The following CFAP91 variants were observed in gnomAD, a reference collection of about 807,000 sequenced individuals.
The protein encoded by CFAP91 is cilia- and flagella-associated protein 91.
CFAP91 carries 85 observed loss-of-function variants against 95.9 expected under a neutral mutation model. The ratio of observed to expected loss-of-function variants is 0.89; its 90% CI spans 0.74 to 1.06. The LOEUF (loss-of-function observed/expected upper bound fraction) is 1.06. Among genes scored for constraint, CFAP91 ranks in the 50% least tolerant of loss-of-function variants. The probability of loss-of-function intolerance (pLI) is 0.00; values close to 1 mark genes in which losing one functional copy is unlikely to be tolerated. For missense variants in CFAP91, 962 were observed against 943.4 expected (o/e 1.02, Z -0.26); for synonymous variants, 335 against 327.5 (o/e 1.02, Z -0.25).
chr3:119,751,735 C>A (rs2107914194), intron 17 of CFAP91, among the ~76,000 whole-genome samples: 1 of 152,280 alleles, frequency 6.6e-6, no homozygotes, highest in Admixed American at 6.5e-5. Flanking sequence ...TTACGGAGTG[C>A]AGATACAATA....
chr3:119,739,934 G>A (rs980227571), intron 12 of CFAP91, among the ~76,000 whole-genome samples: 1 of 152,088 alleles, frequency 6.6e-6, no homozygotes, highest in Non-Finnish European at 1.5e-5. Flanking sequence ...CGAGTGTAAA[G>A]CCTTAGCCAG....
intron 11 of CFAP91, among the ~76,000 whole-genome samples, chr3:119,738,525 T>A (rs144190113): frequency 6.6e-6 from 1 of 151,306 alleles, no homozygotes; most frequent in East Asian, 1.9e-4. Context: ...ATTTTTATAG[T>A]TTTAGTAGAG....
intron 12 of CFAP91, among the ~76,000 whole-genome samples, chr3:119,740,292 A>G (rs1447294160): frequency 1.3e-5 from 2 of 152,266 alleles, no homozygotes; most frequent in South Asian, 2.1e-4. Context: ...TGGAGTTGTC[A>G]TCTTGTCCTT....
At chr3:119,746,629 A>C (rs887198215) in intron 14 of CFAP91, among the ~76,000 whole-genome samples, 1 of 152,170 alleles carries the variant, frequency 6.6e-6, no homozygotes, top group Non-Finnish European at 1.5e-5. Context: ...CATATGGGCA[A>C]TCCAGCTCCT....
At chr3:119,747,073 A>G in intron 14 of CFAP91, 42 bp from the exon 15 acceptor site, 2 of 1,441,638 alleles carry the variant, frequency 1.4e-6, no homozygotes, top group Non-Finnish European at 1.9e-6. Flanking sequence ...GTTGTTTACA[A>G]CAGCATACCT....
intron 17 of CFAP91, among the ~76,000 whole-genome samples, chr3:119,758,010 AT>A (rs1015159214): frequency 3.3e-5 from 5 of 151,988 alleles, no homozygotes; most frequent in Non-Finnish European, 7.4e-5. Flanking sequence ...CACTTCTATA[AT>A]TTTTTGTTTT....
At chr3:119,720,239 A>G (rs1253752262) in intron 6 of CFAP91, among the ~76,000 whole-genome samples, 2 of 151,116 alleles carry the variant, frequency 1.3e-5, no homozygotes, top group Non-Finnish European at 3.0e-5. Context: ...ATACAAAAAA[A>G]AAAAAAAATT....
chr3:119,711,801 A>G (rs1375320952), intron 5 of CFAP91, among the ~76,000 whole-genome samples: 3 of 152,252 alleles, frequency 2.0e-5, no homozygotes. Context: ...TGGATTCTAC[A>G]TAAGCACCTT....
chr3:119,706,664 C>G (rs2053369959), intron 1 of CFAP91, 145 bp from the exon 2 acceptor site: 4 of 641,286 alleles, frequency 6.2e-6, no homozygotes, highest in African/African-American at 1.8e-5. Flanking sequence ...ACATGCACAA[C>G]AGAGCATGAG....
At position 119,747,154 on chromosome 3, in the gene CFAP91, G is replaced by C. The variant is rs747044482; in HGVS notation, c.1942G>C (p.Glu648Gln). 6.2e-7 allele frequency: 1 copy of C among 1,612,522 alleles called. No homozygotes were observed. The highest frequency in any genetic ancestry group is 1.7e-5 in the Admixed American group (1 of 59,818). The change falls in exon 15 of 18, where the codon GAA (glutamate) becomes CAA (glutamine). Residue 648 changes from glutamate (E) to glutamine (Q), a missense_variant. Coordinates refer to ENST00000273390, the MANE Select transcript of CFAP91 (RefSeq NM_033364.4). Reference sequence around the variant, plus strand: ...CCATAGTACTATAAGCTCCTACCTAGAAGACATAATACTGAATACCGAAGC... The same window carrying C: ...CCATAGTACTATAAGCTCCTACCTACAAGACATAATACTGAATACCGAAGC... Reference protein sequence around the residue: ...VHHSTISSYLEDIILNTEANT... With the variant: ...VHHSTISSYLQDIILNTEANT...
chr3:119,748,713 T>C (rs1427774668), intron 16 of CFAP91, among the ~76,000 whole-genome samples: 2 of 152,202 alleles, frequency 1.3e-5, no homozygotes, highest in Admixed American at 6.5e-5. Context: ...ACCTGATTTT[T>C]CCATTGCATG....
intron 17 of CFAP91, among the ~76,000 whole-genome samples, chr3:119,760,524 T>TA (rs2054519989): frequency 6.6e-6 from 1 of 151,830 alleles, no homozygotes; most frequent in Non-Finnish European, 1.5e-5. Flanking sequence ...CACTACACCT[T>TA]AGACCAAATG....
At chr3:119,739,868 A>G (rs961929727) in intron 12 of CFAP91, among the ~76,000 whole-genome samples, 1 of 152,176 alleles carries the variant, frequency 6.6e-6, no homozygotes, top group East Asian at 1.9e-4. Flanking sequence ...ACAGGCAAGT[A>G]ATCTGAGTCT....
chr3:119,736,053 C>CG (rs202051471), intron 10 of CFAP91, among the ~76,000 whole-genome samples: 2,363 of 151,016 alleles, frequency 0.016, 55 homozygotes, highest in African/African-American at 0.054. Context: ...TTTTGGGGAG[C>CG]GGGGGGAATG....
chr3:119,736,534 C>A (rs2054011275), intron 10 of CFAP91, among the ~76,000 whole-genome samples: 1 of 152,092 alleles, frequency 6.6e-6, no homozygotes. Flanking sequence ...CCTCGGCCTC[C>A]CAAAGTGCTG....
chr3:119,740,522 G>T (rs1365891573), intron 12 of CFAP91, 27 bp from the exon 13 acceptor site: 7 of 1,580,338 alleles, frequency 4.4e-6, no homozygotes, highest in Non-Finnish European at 6.0e-6. Flanking sequence ...TAACTTGCAG[G>T]TCTGTCTTTG....
chr3:119,728,229 C>T (rs2053824444), intron 7 of CFAP91, among the ~76,000 whole-genome samples: 1 of 152,076 alleles, frequency 6.6e-6, no homozygotes, highest in Non-Finnish European at 1.5e-5. Flanking sequence ...TTACTATGTG[C>T]CAGATGATGT....
chr3:119,722,973 C>A (rs1182584785), intron 6 of CFAP91, among the ~76,000 whole-genome samples: 4 of 152,204 alleles, frequency 2.6e-5, no homozygotes, highest in Non-Finnish European at 4.4e-5. Context: ...GATAAGACTT[C>A]TCCCTCAAAT....
chr3:119,744,307 TACTGTATGCCAGGCACTCTACAGA>T (rs2054181844), intron 14 of CFAP91, 111 bp downstream of exon 14: 1 of 801,224 alleles, frequency 1.2e-6, no homozygotes, highest in African/African-American at 1.7e-5. Flanking sequence ...ATTGAGTTCC[TACTGTATGCCAGGCACTCTACAGA>T]GGCACTGTGG....
Sources: gnomAD v4.1 joint callset for allele counts (sites outside exome capture counted in the v4.1 genomes callset) on GRCh38, gnomAD v4.1.1 for gene constraint, MANE v1.5 for transcripts, NCBI Gene and HGNC (gene_info 2026-07-23, HGNC 2026-07-21) for gene names.